Variants in METTL14 observed in about 807,000 individuals in gnomAD.
METTL14 encodes the protein methyltransferase 14, N6-adenosine-methyltransferase non-catalytic subunit.
METTL14 carries 32 observed loss-of-function variants against 62.4 expected under a neutral mutation model. The ratio of observed to expected loss-of-function variants is 0.51; its 90% CI spans 0.39 to 0.69. The LOEUF (loss-of-function observed/expected upper bound fraction) is 0.69. Among genes scored for constraint, METTL14 ranks in the 30% least tolerant of loss-of-function variants. METTL14 has a pLI of 0.00. For missense variants in METTL14, 340 were observed against 551.9 expected (o/e 0.62, Z 3.85); for synonymous variants, 150 against 180.0 (o/e 0.83, Z 1.34).
chr4:118,705,758 G>T lies in METTL14; in HGVS notation c.1003G>T (p.Glu335Ter). 6.2e-7 allele frequency: 1 copy of T among 1,614,054 alleles called. No homozygotes were observed. The highest frequency in any genetic ancestry group is 1.1e-5 in the South Asian group (1 of 91,058). Residue 335 changes from glutamate to a stop codon, truncating the protein, a stop_gained, in exon 10 of 11, where the codon GAG becomes TAG. Coordinates refer to ENST00000388822, the MANE Select transcript of METTL14 (RefSeq NM_020961.4). LOFTEE classifies it high-confidence loss of function. ...ACCTGTAGAAATTTTTCATATAATT[G>T]AGCATTTTTGTCTTGGTAGAAGACG... Reference protein sequence around the residue: ...EKPVEIFHIIEHFCLGRRRLH... With the variant: ...EKPVEIFHII
rs751305627 is a variant in METTL14 at position 118,694,467 on chromosome 4, A to G, written c.444A>G (p.Lys148=). The stretch of plus-strand genomic sequence containing the variant: ...CTGACAGATTTGAAGAATATCCTAA[A>G]CTGAGGGAGCTCATCAGGCTAAAGG... ...GLADRFEEYP[K]LRELIRLKDE... The change falls in exon 6 of 11, where the codon AAA becomes AAG. Residue 148 remains lysine (K), a synonymous_variant. Coordinates refer to ENST00000388822, the MANE Select transcript of METTL14 (RefSeq NM_020961.4). 6.2e-7 allele frequency: 1 copy of G among 1,613,258 alleles called. No homozygotes were observed. The highest frequency in any genetic ancestry group is 8.5e-7 in the Non-Finnish European group (1 of 1,179,646).
chr4:118,708,012 G>A (rs1428663530), intron 10 of METTL14, among the ~76,000 whole-genome samples: 4 of 152,040 alleles, frequency 2.6e-5, no homozygotes, highest in Non-Finnish European at 5.9e-5. Context: ...TTTTAGTAGA[G>A]ATGATGTTTC....
intron 2 of METTL14, among the ~76,000 whole-genome samples, chr4:118,688,821 G>A (rs921401087): frequency 1.4e-4 from 22 of 151,888 alleles, no homozygotes; most frequent in South Asian, 2.1e-4. Context: ...CTACAGGTGC[G>A]CGCCACCACC....
At chr4:118,699,608 G>A (rs1457472247) in intron 7 of METTL14, among the ~76,000 whole-genome samples, 1 of 152,072 alleles carries the variant, frequency 6.6e-6, no homozygotes, top group African/African-American at 2.4e-5. Context: ...ATCTGATTAT[G>A]TTCTTTATTA....
In METTL14 at chr4:118,710,544, T is replaced by G; in HGVS notation, c.*242T>G. On this transcript the variant is annotated 3_prime_UTR_variant, in exon 11 of 11. Coordinates refer to ENST00000388822, the MANE Select transcript of METTL14 (RefSeq NM_020961.4). ...CGTGAACAGAATGGAACAACTCAAG[T>G]AGCTTCATCTTCAGAGACTGAATTT... 2.5e-6 allele frequency: 1 copy of G among 394,556 alleles called. No homozygotes were observed. Among genetic ancestry groups the G allele is most frequent in the Non-Finnish European group, 4.5e-6 (1 of 221,648 alleles). 24.4% of individuals were successfully genotyped at this position (394,556 alleles called of 1,614,324 possible).
intron 5 of METTL14, among the ~76,000 whole-genome samples, 175 bp from the exon 6 acceptor site, chr4:118,694,260 AG>A (rs1245543184): frequency 6.6e-6 from 1 of 151,938 alleles, no homozygotes; most frequent in Admixed American, 6.6e-5. Context: ...GCATGTCATT[AG>A]TTATGAAATC....
chr4:118,691,225 C>T (rs191546396), intron 3 of METTL14, among the ~76,000 whole-genome samples: 299 of 151,758 alleles, frequency 2.0e-3, no homozygotes, highest in Non-Finnish European at 3.3e-3. Flanking sequence ...CATTGGTGGT[C>T]GTATCTTTCA....
intron 7 of METTL14, among the ~76,000 whole-genome samples, chr4:118,698,637 G>A (rs1217124055): frequency 6.6e-6 from 1 of 151,952 alleles, no homozygotes; most frequent in Admixed American, 6.6e-5. Flanking sequence ...TTGGGATGAG[G>A]GGAAGAGTTA....
chr4:118,694,212 G>A (rs1266020430), intron 5 of METTL14, among the ~76,000 whole-genome samples: 1 of 149,620 alleles, frequency 6.7e-6, no homozygotes, highest in African/African-American at 2.5e-5. Flanking sequence ...GTGGCTTATT[G>A]ACTTGGACTG....
At chr4:118,687,574 T>C (rs958281631) in intron 1 of METTL14, among the ~76,000 whole-genome samples, 2 of 152,198 alleles carry the variant, frequency 1.3e-5, no homozygotes, top group South Asian at 2.1e-4. Flanking sequence ...GTGGAAAATA[T>C]TGTAACTTGA....
intron 8 of METTL14, 59 bp downstream of exon 8, chr4:118,700,701 A>AC: frequency 1.8e-5 from 21 of 1,187,680 alleles, no homozygotes; most frequent in Non-Finnish European, 2.3e-5. Context: ...ATGTAACAGT[A>AC]TGTTGCATAG....
In METTL14 at chr4:118,710,052, A is replaced by G. The variant is rs923630527; in HGVS notation, c.1121A>G (p.Tyr374Cys). ...LTNSNYNAET[Y>C]ASYFSAPNSY... ...AATAGCAACTACAATGCAGAAACAT[A>G]TGCATCCTATTTCAGTGCTCCTAAT... Residue 374 changes from tyrosine (Y) to cysteine (C), a missense_variant, in exon 11 of 11, where the codon TAT becomes TGT. Tyr to Cys is a radical substitution (Grantham distance 194). Around this residue, in one of 7 missense-constraint regions of METTL14, gnomAD observed 62 missense variants for 82.3 expected, o/e 0.75. Coordinates refer to ENST00000388822, the MANE Select transcript of METTL14 (RefSeq NM_020961.4). 2.5e-6 allele frequency: 4 copies of G among 1,614,068 alleles called. No individual in the cohort carries two copies. The African/African-American group carries it at 4.0e-5, about 16-fold the overall frequency.
Position 118,710,050 on chromosome 4 carries a change from A to T in METTL14, c.1119A>T (p.Thr373=). The change falls in exon 11 of 11, where the codon ACA becomes ACT. Residue 373 remains threonine (T), a synonymous_variant. Coordinates refer to ENST00000388822, the MANE Select transcript of METTL14 (RefSeq NM_020961.4). ...CAAATAGCAACTACAATGCAGAAAC[A>T]TATGCATCCTATTTCAGTGCTCCTA... The part of the protein sequence containing the change: ...TLTNSNYNAE[T]YASYFSAPNS... 6.2e-7 allele frequency: 1 copy of T among 1,614,180 alleles called. No homozygotes were observed.
chr4:118,712,553 G>A lies in METTL14; in HGVS notation c.*2251G>A, dbSNP rs1262737436. ...GAGAATTGCCTGAACCCAGGAGGCG[G>A]AGGTTGCAGTGAGCCGAGATTGTGC... On this transcript the variant is annotated 3_prime_UTR_variant, in exon 11 of 11. Transcript: ENST00000388822. 6.6e-6 allele frequency: 1 copy of A among 152,106 alleles called. No individual in the cohort carries two copies. Among genetic ancestry groups the A allele is most frequent in the Non-Finnish European group, 1.5e-5 (1 of 68,084 alleles). 9.4% of individuals were successfully genotyped at this position (152,106 alleles called of 1,614,324 possible). A position where few individuals can be genotyped will look rare whatever the true frequency, so the allele number is the denominator to read the frequency against.
intron 6 of METTL14, among the ~76,000 whole-genome samples, 177 bp from the exon 7 acceptor site, chr4:118,697,005 G>T (rs1387632621): frequency 6.6e-6 from 1 of 152,114 alleles, no homozygotes; most frequent in African/African-American, 2.4e-5. Flanking sequence ...AAGAAAAAAA[G>T]ACTCAATAAA....
intron 7 of METTL14, 102 bp downstream of exon 7, chr4:118,697,425 G>A (rs1217024868): frequency 1.8e-5 from 18 of 1,028,416 alleles, no homozygotes; most frequent in Non-Finnish European, 2.3e-5. Context: ...TACTTTTGTA[G>A]GGATTATAAA....
chr4:118,697,210 G>GTA lies in METTL14; in HGVS notation c.532_533insTA (p.Asp178ValfsTer6). ...CTTACAAGCCGATATAGAAGCCTTTGACATCAGAGAACTAACACCCAAATT... is the reference window on the plus strand; with the variant it reads ...CTTACAAGCCGATATAGAAGCCTTTGTAACATCAGAGAACTAACACCCAAATT... On this transcript the variant is annotated frameshift_variant, in exon 7 of 11. Coordinates refer to ENST00000388822, the MANE Select transcript of METTL14 (RefSeq NM_020961.4). LOFTEE classifies it high-confidence loss of function. 6.2e-7 allele frequency: 1 copy of GTA among 1,610,230 alleles called. No homozygotes were observed. The highest frequency in any genetic ancestry group is 8.5e-7 in the Non-Finnish European group (1 of 1,178,584).
chr4:118,704,079 T>TA, intron 9 of METTL14, 28 bp downstream of exon 9: 1 of 1,374,802 alleles, frequency 7.3e-7, no homozygotes, highest in Admixed American at 2.2e-5. Context: ...TTGTTTTTTT[T>TA]AATTTTTGTG....
intron 8 of METTL14, among the ~76,000 whole-genome samples, chr4:118,702,118 C>A (rs919186559): frequency 7.8e-6 from 1 of 128,670 alleles, no homozygotes; most frequent in African/African-American, 2.8e-5. Flanking sequence ...AGGTTTTTAT[C>A]TTTTTTTTTT....
Sources: allele counts gnomAD v4.1 joint callset (sites outside exome capture counted in the v4.1 genomes callset), GRCh38; gene constraint gnomAD v4.1.1; regional missense constraint gnomAD v4.1.1; transcripts MANE v1.5; gene names NCBI Gene and HGNC (gene_info 2026-07-23, HGNC 2026-07-21).